Variants in ANKRD46 observed in about 807,000 individuals in gnomAD.
ANKRD46 encodes ankyrin repeat domain 46.
In ANKRD46, 13 loss-of-function variants were observed where a neutral mutation model predicts 19.8. That is an observed-to-expected ratio of 0.66 (90% CI 0.43 to 1.04). The LOEUF (loss-of-function observed/expected upper bound fraction) is 1.04. Among genes scored for constraint, ANKRD46 ranks in the 50% least tolerant of loss-of-function variants. The pLI, the probability that ANKRD46 is intolerant of heterozygous loss-of-function variation, is 0.00. For synonymous variants in ANKRD46, 91 were observed against 106.9 expected (o/e 0.85, Z 0.92); for missense variants, 185 against 274.8 (o/e 0.67, Z 2.31).
chr8:100,522,617 T>C lies in ANKRD46; in HGVS notation c.625A>G (p.Ile209Val), dbSNP rs1811748899. The change falls in exon 5 of 5, where the codon ATT (isoleucine) becomes GTT (valine). Residue 209 changes from isoleucine to valine, a missense_variant. Ile to Val is a conservative substitution (Grantham distance 29, BLOSUM62 3). Transcript: ENST00000335659. ...IFVIALLSLGIAYYVSGVLPF... is the reference protein window; with the variant it reads ...IFVIALLSLGVAYYVSGVLPF... ...AGCACCCCACTCACATAATAAGCAATGCCAAGAGACAGCAAAGCAATGACG... is the reference window on the plus strand; with the variant it reads ...AGCACCCCACTCACATAATAAGCAACGCCAAGAGACAGCAAAGCAATGACG... The C allele has an allele frequency of 6.2e-7, 1 of 1,613,956 alleles. No homozygotes were observed. The highest frequency in any genetic ancestry group is 8.5e-7 in the Non-Finnish European group (1 of 1,180,006).
intron 1 of ANKRD46, among the ~76,000 whole-genome samples, chr8:100,539,013 G>T (rs994028865): frequency 2.0e-5 from 3 of 152,304 alleles, no homozygotes; most frequent in African/African-American, 4.8e-5. Context: ...AATGTAAAAA[G>T]AATTTTGTGA....
intron 1 of ANKRD46, chr8:100,551,485 G>A: frequency 1.3e-6 from 1 of 767,592 alleles, no homozygotes; most frequent in Non-Finnish European, 2.3e-6. Flanking sequence ...CTTGCTCCTG[G>A]AAGATGGTGA....
intron 3 of ANKRD46, 140 bp from the exon 4 acceptor site, chr8:100,528,143 T>C (rs1202035919): frequency 1.1e-6 from 1 of 947,392 alleles, no homozygotes; most frequent in African/African-American, 1.7e-5. Context: ...GGGCCTACCC[T>C]AGGGCTGTGG....
At position 100,536,751 on chromosome 8, in the gene ANKRD46, AAGGAACAGTGTCCATG is replaced by A. The variant is rs1348272305; in HGVS notation, c.-130-3456_-130-3441del. Reference sequence around the variant, plus strand: ...GTTGCTGACCAGGGCCCTGGTTCCCAAGGAACAGTGTCCATGAGGAACAGTGTCCACTGACTGGTTC... The same window carrying A: ...GTTGCTGACCAGGGCCCTGGTTCCCAAGGAACAGTGTCCACTGACTGGTTC... On this transcript the variant is annotated intron_variant, in intron 1 of 4. Transcript: ENST00000335659. The surrounding 1 kb of genome is among the most constrained non-coding windows in gnomAD (Gnocchi z 4.9). Among the ~76,000 whole-genome samples, 1 of 152,222 alleles carries A rather than the reference AAGGAACAGTGTCCATG, an allele frequency of 6.6e-6. No individual in the cohort carries two copies. Among genetic ancestry groups the A allele is most frequent in the Non-Finnish European group, 1.5e-5 (1 of 68,038 alleles).
chr8:100,540,195 T>TAA (rs57942001), intron 1 of ANKRD46, among the ~76,000 whole-genome samples: 21 of 147,762 alleles, frequency 1.4e-4, no homozygotes, highest in South Asian at 2.1e-4. Flanking sequence ...ATTTCATGAG[T>TAA]AAAAAAAAAA....
intron 4 of ANKRD46, among the ~76,000 whole-genome samples, chr8:100,523,666 C>T (rs1233747402): frequency 6.6e-6 from 1 of 150,718 alleles, no homozygotes; most frequent in Non-Finnish European, 1.5e-5. Context: ...TTTTTGGAGA[C>T]AGAATCTCAC....
chr8:100,524,782 T>G lies in ANKRD46; in HGVS notation c.471-2011A>C, dbSNP rs1211811126. Reference sequence around the variant, plus strand: ...ATTCCATGAGCATTCTCATTGTTCTTCAGAGCTCATGAAGCTCTGCCAATC... The same window carrying G: ...ATTCCATGAGCATTCTCATTGTTCTGCAGAGCTCATGAAGCTCTGCCAATC... On this transcript the variant is annotated intron_variant, in intron 4 of 4. Coordinates refer to ENST00000335659, the MANE Select transcript of ANKRD46 (RefSeq NM_001270377.2). The surrounding 1 kb of genome is among the most constrained non-coding windows in gnomAD (Gnocchi z 4.3). 6.6e-6 allele frequency among the ~76,000 whole-genome samples: 1 copy of G among 152,180 alleles called. No individual in the cohort carries two copies. Among genetic ancestry groups the G allele is most frequent in the Non-Finnish European group, 1.5e-5 (1 of 68,026 alleles).
At chr8:100,553,632 G>A (rs954941908) in intron 1 of ANKRD46, among the ~76,000 whole-genome samples, 3 of 151,962 alleles carry the variant, frequency 2.0e-5, no homozygotes, top group African/African-American at 4.8e-5. Context: ...ACCTGTAGTC[G>A]CAGCTACTTG....
At position 100,524,040 on chromosome 8, in the gene ANKRD46, T is replaced by C. The variant is rs1811786682; in HGVS notation, c.471-1269A>G. On this transcript the variant is annotated intron_variant, in intron 4 of 4. Coordinates refer to ENST00000335659, the MANE Select transcript of ANKRD46 (RefSeq NM_001270377.2). This position sits in a 1 kb window ranked among gnomAD's most constrained non-coding sequence, Gnocchi z 4.3. ...GTTCATTTCTCTTCTGCATAAAGGC[T>C]AGTCTAGTTGAAAATAAGGTAGTGC... Among the ~76,000 whole-genome samples, 1 of 152,224 alleles carries C rather than the reference T, an allele frequency of 6.6e-6. No homozygotes were observed. The highest frequency in any genetic ancestry group is 1.5e-5 in the Non-Finnish European group (1 of 68,028).
intron 5 of ANKRD46, among the ~76,000 whole-genome samples, chr8:100,515,661 A>AGGGGGGGGGGGGGGGGGGG (rs368942546): frequency 3.3e-5 from 2 of 59,966 alleles, no homozygotes; most frequent in Non-Finnish European, 6.9e-5. Context: ...GGTGCGGGGG[A>AGGGGGGGGGGGGGGGGGGG]GGGGGGGGGC....
At position 100,510,915 on chromosome 8, in the gene ANKRD46, C is replaced by G. The variant is rs1811539130; in HGVS notation, c.637-276G>C. 6.6e-6 allele frequency among the ~76,000 whole-genome samples: 1 copy of G among 152,112 alleles called. No individual in the cohort carries two copies. Among genetic ancestry groups the G allele is most frequent in the Admixed American group, 6.5e-5 (1 of 15,276 alleles). On this transcript the variant is annotated intron_variant, in intron 5 of 5. Coordinates refer to the ANKRD46 transcript ENST00000520552. This position sits in a 1 kb window ranked among gnomAD's most constrained non-coding sequence, Gnocchi z 4.9. Reference sequence around the variant, plus strand: ...ATTAAGGTATTATTTAATGAAAGCTCAAAGAGCTGAAGCCATCTGGGAACC... The same window carrying G: ...ATTAAGGTATTATTTAATGAAAGCTGAAAGAGCTGAAGCCATCTGGGAACC...
At chr8:100,533,180 T>G (rs1444864655) in intron 2 of ANKRD46, 29 bp downstream of exon 2, 2 of 152,234 alleles carry the variant, frequency 1.3e-5, no homozygotes, top group African/African-American at 4.8e-5. Context: ...TCACATCTTG[T>G]GAGGAAGTCC....
At chr8:100,554,267 G>A (rs571243612) in intron 1 of ANKRD46, among the ~76,000 whole-genome samples, 1 of 152,254 alleles carries the variant, frequency 6.6e-6, no homozygotes, top group South Asian at 2.1e-4. Flanking sequence ...TGGTGGAAGT[G>A]CTAACAATCC....
In ANKRD46 at chr8:100,544,416, C is replaced by G. The variant is rs887287102; in HGVS notation, c.-130-11105G>C. Reference sequence around the variant, plus strand: ...TGAGCATTGGATCAAATCTCAGTGTCAGGATTCTGCTAACCCCAAAGTACA... The same window carrying G: ...TGAGCATTGGATCAAATCTCAGTGTGAGGATTCTGCTAACCCCAAAGTACA... On this transcript the variant is annotated intron_variant, in intron 1 of 4. Coordinates refer to ENST00000335659, the MANE Select transcript of ANKRD46 (RefSeq NM_001270377.2). The surrounding 1 kb of genome is among the most constrained non-coding windows in gnomAD (Gnocchi z 4.4). Among the ~76,000 whole-genome samples, 2 of 152,194 alleles carry G rather than the reference C, an allele frequency of 1.3e-5. No individual in the cohort carries two copies. Among genetic ancestry groups the G allele is most frequent in the Admixed American group, 1.3e-4 (2 of 15,274 alleles).
At chr8:100,523,372 C>G (rs1353545387) in intron 4 of ANKRD46, among the ~76,000 whole-genome samples, 1 of 151,248 alleles carries the variant, frequency 6.6e-6, no homozygotes, top group Non-Finnish European at 1.5e-5. Flanking sequence ...AGCAGAGAGG[C>G]CTTAGAAGAA....
downstream of ANKRD46, among the ~76,000 whole-genome samples, chr8:100,519,285 G>A (rs567630691): frequency 1.8e-4 from 27 of 152,304 alleles, no homozygotes; most frequent in South Asian, 5.0e-3. Context: ...AGTTTCCTAC[G>A]AGGGAGTCAC....
chr8:100,553,631 C>T (rs1812438113), intron 1 of ANKRD46, among the ~76,000 whole-genome samples: 1 of 152,076 alleles, frequency 6.6e-6, no homozygotes, highest in Non-Finnish European at 1.5e-5. Context: ...TACCTGTAGT[C>T]GCAGCTACTT....
In ANKRD46 at chr8:100,527,686, A is replaced by G. The variant is rs1008714756; in HGVS notation, c.470+159T>C. ...GTTAACCATAAATCCACATACTTAA[A>G]GTGACTTTCCCCTTAAAAAATCGTA... On this transcript the variant is annotated intron_variant, in intron 4 of 4. Coordinates refer to ENST00000335659, the MANE Select transcript of ANKRD46 (RefSeq NM_001270377.2). The surrounding 1 kb of genome is among the most constrained non-coding windows in gnomAD (Gnocchi z 4.0). Among the ~76,000 whole-genome samples the G allele has an allele frequency of 1.3e-5, 2 of 152,182 alleles. No homozygotes were observed. Among genetic ancestry groups the G allele is most frequent in the Non-Finnish European group, 2.9e-5 (2 of 68,032 alleles).
In ANKRD46 at chr8:100,537,387, G is replaced by A. The variant is rs771253223; in HGVS notation, c.-130-4076C>T. Among the ~76,000 whole-genome samples, 18 of 152,156 alleles carry A rather than the reference G, an allele frequency of 1.2e-4. No homozygotes were observed. Among genetic ancestry groups the A allele is most frequent in the Non-Finnish European group, 2.4e-4 (16 of 68,020 alleles). ...CAAAATGCAAGGAAAAAACGACATAGCTGGAAAGATATTCTGTCAGATCTT... is the reference window on the plus strand; with the variant it reads ...CAAAATGCAAGGAAAAAACGACATAACTGGAAAGATATTCTGTCAGATCTT... On this transcript the variant is annotated intron_variant, in intron 1 of 4. Transcript: ENST00000335659. This position sits in a 1 kb window ranked among gnomAD's most constrained non-coding sequence, Gnocchi z 4.2.
Sources: gnomAD v4.1 joint callset for allele counts (sites outside exome capture counted in the v4.1 genomes callset) on GRCh38, gnomAD v4.1.1 for gene constraint, Gnocchi (gnomAD v3.1) non-coding constraint, MANE v1.5 for transcripts, NCBI Gene and HGNC (gene_info 2026-07-23, HGNC 2026-07-21) for gene names.